The following THSD7B variants were observed in gnomAD, a reference collection of about 807,000 sequenced individuals.
THSD7B encodes the protein thrombospondin type-1 domain-containing protein 7B.
Under a neutral mutation model 213.6 loss-of-function variants are expected in THSD7B, and 138 were observed. The observed-to-expected ratio is 0.65, with a 90% confidence interval of 0.56 to 0.74. THSD7B has a LOEUF of 0.74. Ranked by LOEUF, THSD7B falls within the 30% of genes least tolerant of loss-of-function variation. The pLI, the probability that THSD7B is intolerant of heterozygous loss-of-function variation, is 0.00. For synonymous variants in THSD7B, 742 were observed against 687.0 expected (o/e 1.08, Z -1.25); for missense variants, 1,931 against 1,991.5 (o/e 0.97, Z 0.58).
In THSD7B at chr2:137,271,876, C is replaced by T. The variant is rs977369228; in HGVS notation, c.2267-657C>T. ...TCTAAAGATTGTGAAATGAGTGCCT[C>T]AACACATTAAAGTGAACATCAGTTG... On this transcript the variant is annotated intron_variant, in intron 10 of 27. Coordinates refer to ENST00000409968, the MANE Select transcript of THSD7B (RefSeq NM_001316349.2). Among the ~76,000 whole-genome samples the T allele has an allele frequency of 5.3e-5, 8 of 152,174 alleles. No individual in the cohort carries two copies. In the South Asian group the frequency reaches 1.7e-3, roughly 32 times the overall value.
chr2:137,564,611 G>A (rs958725836), intron 16 of THSD7B, among the ~76,000 whole-genome samples: 1 of 152,122 alleles, frequency 6.6e-6, no homozygotes, highest in Non-Finnish European at 1.5e-5. Flanking sequence ...ATGTAAATGA[G>A]CTGTGGCATC....
intron 12 of THSD7B, among the ~76,000 whole-genome samples, chr2:137,378,308 G>A (rs1218091511): frequency 6.6e-6 from 1 of 152,200 alleles, no homozygotes; most frequent in African/African-American, 2.4e-5. Context: ...AAGACTTAAA[G>A]AGGCAATCTA....
chr2:137,672,356 T>TGCCTATCCCTAGAGTTC (rs1400063668), intron 27 of THSD7B, among the ~76,000 whole-genome samples: 1 of 152,196 alleles, frequency 6.6e-6, no homozygotes, highest in Non-Finnish European at 1.5e-5. Flanking sequence ...CCCTAGAGTT[T>TGCCTATCCCTAGAGTTC]GCCTATCCCT....
intron 15 of THSD7B, among the ~76,000 whole-genome samples, chr2:137,560,338 T>TA (rs888615604): frequency 1.3e-4 from 20 of 151,888 alleles, no homozygotes; most frequent in African/African-American, 4.1e-4. Context: ...TAGACTGGGT[T>TA]AAAAAAAATG....
At chr2:136,933,108 A>ATTCCTTCATTCC (rs1684658907) in intron 2 of THSD7B, among the ~76,000 whole-genome samples, 8 of 130,694 alleles carry the variant, frequency 6.1e-5, no homozygotes, top group Admixed American at 6.0e-4. Context: ...TTTGCCCGCC[A>ATTCCTTCATTCC]TTCCTTCCTT....
chr2:137,344,511 C>CA (rs1224363870), intron 12 of THSD7B, among the ~76,000 whole-genome samples: 1 of 151,448 alleles, frequency 6.6e-6, no homozygotes, highest in African/African-American at 2.4e-5. Flanking sequence ...TTTTAAGTGA[C>CA]AAAAAAAGAT....
At chr2:137,652,696 T>C (rs1683163053) in intron 21 of THSD7B, among the ~76,000 whole-genome samples, 1 of 152,164 alleles carries the variant, frequency 6.6e-6, no homozygotes, top group African/African-American at 2.4e-5. Flanking sequence ...TTGTTGCGTT[T>C]TACTTCTGGT....
At chr2:137,097,345 C>T (rs1221530108) in intron 4 of THSD7B, among the ~76,000 whole-genome samples, 1 of 152,020 alleles carries the variant, frequency 6.6e-6, no homozygotes, top group Non-Finnish European at 1.5e-5. Flanking sequence ...TTATCAAGTA[C>T]CTACTGTTGG....
intron 2 of THSD7B, among the ~76,000 whole-genome samples, chr2:136,965,794 T>G (rs1685304215): frequency 6.6e-6 from 1 of 152,138 alleles, no homozygotes; most frequent in Non-Finnish European, 1.5e-5. Context: ...AACTTTCCCT[T>G]TAGGTTTTTA....
intron 1 of THSD7B, among the ~76,000 whole-genome samples, chr2:136,788,617 C>A (rs933167354): frequency 1.3e-5 from 2 of 152,032 alleles, no homozygotes; most frequent in Non-Finnish European, 2.9e-5. Flanking sequence ...GAGGAGAAAC[C>A]ATTCTCTCTT....
chr2:137,509,851 A>G (rs12614283), intron 15 of THSD7B, among the ~76,000 whole-genome samples: 5,769 of 152,228 alleles, frequency 0.038, 179 homozygotes, highest in Admixed American at 0.083. Flanking sequence ...ATGATTGGTT[A>G]TTCCCTTTTA....
Position 137,056,438 on chromosome 2 carries a change from C to T in THSD7B, c.158C>T (p.Thr53Ile), listed in dbSNP as rs1200291378. 2.5e-6 allele frequency: 4 copies of T among 1,613,476 alleles called. No homozygotes were observed. Among genetic ancestry groups the T allele is most frequent in the Non-Finnish European group, 3.4e-6 (4 of 1,179,658 alleles). The change falls in exon 3 of 28, where the codon ACA becomes ATA. Residue 53 changes from threonine to isoleucine, a missense_variant. Coordinates refer to ENST00000409968, the MANE Select transcript of THSD7B (RefSeq NM_001316349.2). ...IWKPGPWGRCTGDCGPGGVQS... is the reference protein window; with the variant it reads ...IWKPGPWGRCIGDCGPGGVQS... ...CCTGTAGGTCCGTGGGGAAGGTGTA[C>T]AGGAGACTGTGGTCCCGGAGGAGTC...
chr2:136,771,678 G>A (rs986746842), intron 1 of THSD7B, among the ~76,000 whole-genome samples: 21 of 152,194 alleles, frequency 1.4e-4, no homozygotes, highest in Non-Finnish European at 2.4e-4. Context: ...CTCTCAGTCT[G>A]AACAACTCAG....
Position 137,233,096 on chromosome 2 carries a change from T to G in THSD7B, c.2113T>G (p.Cys705Gly). 2 of 1,613,864 alleles carry G rather than the reference T, an allele frequency of 1.2e-6. No individual in the cohort carries two copies. Among genetic ancestry groups the G allele is most frequent in the Non-Finnish European group, 1.7e-6 (2 of 1,179,800 alleles). The part of the protein sequence containing the change: ...GVGIQTRRVF[C>G]VKSHVGQVMT... The stretch of plus-strand genomic sequence containing the variant: ...AGGCATTCAGACTCGGAGAGTCTTC[T>G]GTGTCAAGAGTCACGTGGGACAAGT... Residue 705 changes from cysteine (C) to glycine (G), a missense_variant, in exon 9 of 28, where the codon TGT becomes GGT. By Grantham distance (159) the Cys-to-Gly change is radical (BLOSUM62 -3). Coordinates refer to ENST00000409968, the MANE Select transcript of THSD7B (RefSeq NM_001316349.2).
chr2:137,159,730 T>C (rs182398806), intron 5 of THSD7B, among the ~76,000 whole-genome samples: 32 of 152,252 alleles, frequency 2.1e-4, no homozygotes, highest in African/African-American at 7.2e-4. Context: ...CTAAGTACGA[T>C]TTTTCTTGTG....
chr2:137,402,898 G>C (rs541701258), intron 12 of THSD7B, among the ~76,000 whole-genome samples: 2 of 151,550 alleles, frequency 1.3e-5, no homozygotes, highest in Middle Eastern at 3.4e-3. Flanking sequence ...GTTATTCAGT[G>C]CATTGTCATT....
chr2:136,948,083 T>A (rs1471517953), intron 2 of THSD7B, among the ~76,000 whole-genome samples: 2 of 152,130 alleles, frequency 1.3e-5, no homozygotes, highest in East Asian at 3.8e-4. Context: ...CTTAACAGAT[T>A]TTGTTCTTTC....
At chr2:137,411,952 G>A in intron 14 of THSD7B, 80 bp downstream of exon 14, 1 of 1,479,422 alleles carries the variant, frequency 6.8e-7, no homozygotes, top group Non-Finnish European at 9.1e-7. Flanking sequence ...AGAATTAATA[G>A]CTCTGCTCTA....
chr2:137,334,577 T>C (rs1684594801), intron 12 of THSD7B, among the ~76,000 whole-genome samples: 1 of 152,142 alleles, frequency 6.6e-6, no homozygotes. Flanking sequence ...CCTCCAGCCC[T>C]ACTCTCCTGT....
Sources: allele counts gnomAD v4.1 joint callset (sites outside exome capture counted in the v4.1 genomes callset), GRCh38; gene constraint gnomAD v4.1.1; transcripts MANE v1.5; gene names NCBI Gene and HGNC (gene_info 2026-07-23, HGNC 2026-07-21).